The following UNC79 variants were observed in gnomAD, a reference collection of about 807,000 sequenced individuals.
UNC79 encodes the protein unc-79 subunit of NALCN channel complex.
UNC79 carries 37 observed loss-of-function variants against 283.1 expected under a neutral mutation model. That is an observed-to-expected ratio of 0.13 (90% CI 0.10 to 0.17). UNC79 has a LOEUF of 0.17. UNC79 is among the 10% of genes least tolerant of loss of function. The pLI is 1.00. For missense variants in UNC79, 2,272 were observed against 3,211.1 expected (o/e 0.71, Z 7.07); for synonymous variants, 1,107 against 1,200.2 (o/e 0.92, Z 1.61).
intron 1 of UNC79, among the ~76,000 whole-genome samples, chr14:93,359,813 CG>C (rs1434138631): frequency 6.6e-6 from 1 of 152,144 alleles, no homozygotes; most frequent in Non-Finnish European, 1.5e-5. Flanking sequence ...AAGGGGAGGC[CG>C]GGTCTCTTTG....
rs398026224 is a variant in UNC79 at position 93,467,628 on chromosome 14, CTTTTTTTTTTTTTTTT to C, written c.23-28_23-13del. 749 of 762,600 alleles carry C rather than the reference CTTTTTTTTTTTTTTTT, an allele frequency of 9.8e-4. 1 individual carries two copies. Among genetic ancestry groups the C allele is most frequent in the East Asian group, 3.6e-3 (29 of 8,034 alleles). 47.2% of individuals were successfully genotyped at this position (762,600 alleles called of 1,614,324 possible). A position where few individuals can be genotyped will look rare whatever the true frequency, so the allele number is the denominator to read the frequency against. The stretch of plus-strand genomic sequence containing the variant: ...ATTCTTCTCTTTCTTTTTCTTCTTC[CTTTTTTTTTTTTTTTT>C]TTTTTTTTTTTTTTGCTTTTATCTA... On this transcript the variant is annotated intron_variant, in intron 1 of 48. Transcript: ENST00000555664.
At chr14:93,539,799 T>C (rs2061291215) in intron 12 of UNC79, among the ~76,000 whole-genome samples, 1 of 152,236 alleles carries the variant, frequency 6.6e-6, no homozygotes, top group African/African-American at 2.4e-5. Context: ...TCCACAATTC[T>C]TTTTGAAATA....
intron 10 of UNC79, among the ~76,000 whole-genome samples, chr14:93,529,693 G>A (rs1386970369): frequency 6.6e-6 from 1 of 152,160 alleles, no homozygotes; most frequent in African/African-American, 2.4e-5. Context: ...AACACTAGCT[G>A]GGAGAGAAAT....
At chr14:93,377,239 G>T (rs1473110720) in intron 1 of UNC79, among the ~76,000 whole-genome samples, 1 of 151,382 alleles carries the variant, frequency 6.6e-6, no homozygotes, top group Non-Finnish European at 1.5e-5. Context: ...ACAGGCGCCC[G>T]CCACCATGCC....
chr14:93,390,699 A>G (rs61247510), intron 1 of UNC79, among the ~76,000 whole-genome samples: 5,345 of 152,252 alleles, frequency 0.035, 335 homozygotes, highest in African/African-American at 0.12. Flanking sequence ...ATAAAAAGCA[A>G]CCATTTACAG....
intron 38 of UNC79, 48 bp downstream of exon 41, chr14:93,655,455 C>G (rs370126642): frequency 6.4e-5 from 102 of 1,594,198 alleles, no homozygotes; most frequent in Middle Eastern, 3.3e-4. Context: ...TTACCATTTT[C>G]AGACCGTTTA....
At chr14:93,553,491 T>A (rs1567101326) in intron 14 of UNC79, among the ~76,000 whole-genome samples, 1 of 152,034 alleles carries the variant, frequency 6.6e-6, no homozygotes, top group Non-Finnish European at 1.5e-5. Flanking sequence ...TCCATGAGAG[T>A]CCTTTAGCTG....
chr14:93,412,200 T>C (rs2055349671), intron 1 of UNC79, among the ~76,000 whole-genome samples: 1 of 151,970 alleles, frequency 6.6e-6, no homozygotes, highest in South Asian at 2.1e-4. Flanking sequence ...GAGAAAGAAT[T>C]AGTGGGCTTG....
intron 1 of UNC79, among the ~76,000 whole-genome samples, chr14:93,406,312 G>A (rs905246422): frequency 2.0e-5 from 3 of 152,182 alleles, no homozygotes; most frequent in Non-Finnish European, 4.4e-5. Flanking sequence ...GCTGGGCATG[G>A]TGGCTCACGC....
intron 1 of UNC79, among the ~76,000 whole-genome samples, chr14:93,371,435 C>CAA (rs932303633): frequency 1.3e-5 from 2 of 151,726 alleles, no homozygotes; most frequent in African/African-American, 4.8e-5. Flanking sequence ...CAAAACAAAA[C>CAA]AAAAAAACGC....
At chr14:93,412,412 T>C (rs912924454) in intron 1 of UNC79, among the ~76,000 whole-genome samples, 4 of 152,038 alleles carry the variant, frequency 2.6e-5, no homozygotes, top group Non-Finnish European at 4.4e-5. Flanking sequence ...AAGGGAGAGA[T>C]ATCTATATCC....
In UNC79 at chr14:93,339,490, G is replaced by A. The variant is rs889071310; in HGVS notation, c.-351+5967G>A. Among the ~76,000 whole-genome samples the A allele has an allele frequency of 5.9e-5, 9 of 152,220 alleles. No homozygotes were observed. In the East Asian group the frequency reaches 7.7e-4, roughly 13 times the overall value. ...AATTTTTTGTATTTTTAGTAGAGAC[G>A]GGATTTCACCATGTTGGCCAGGCTG... On this transcript the variant is annotated intron_variant, in intron 1 of 49. Coordinates refer to the UNC79 transcript ENST00000256339.
At position 93,494,314 on chromosome 14, in the gene UNC79, G is replaced by A. The variant is rs536532101; in HGVS notation, c.713-2097G>A. On this transcript the variant is annotated intron_variant, in intron 5 of 48. Transcript: ENST00000555664. ...CCATGATCCAATCACCTTCTGCCAGGCCCCACCTCCAACACTGGGGATTAC... is the reference window on the plus strand; with the variant it reads ...CCATGATCCAATCACCTTCTGCCAGACCCCACCTCCAACACTGGGGATTAC... 1.0e-3 allele frequency among the ~76,000 whole-genome samples: 159 copies of A among 152,194 alleles called. 1 individual carries two copies. Among genetic ancestry groups the A allele is most frequent in the African/African-American group, 3.6e-3 (150 of 41,524 alleles).
At chr14:93,497,343 C>T in intron 7 of UNC79, 57 bp downstream of exon 7, 3 of 1,565,462 alleles carry the variant, frequency 1.9e-6, no homozygotes, top group Non-Finnish European at 2.6e-6. Flanking sequence ...GCCACACTGG[C>T]CTCACCTACT....
At position 93,538,646 on chromosome 14, in the gene UNC79, G is replaced by A. The variant is rs78724298; in HGVS notation, c.1352+428G>A. Among the ~76,000 whole-genome samples the A allele has an allele frequency of 3.4e-3, 514 of 152,094 alleles. 10 individuals are homozygous for A. In the South Asian group the frequency reaches 0.053, roughly 16 times the overall value. ...CAGCAGCATTAACCAGTCAGGAGGC[G>A]GGGAAGGCAACAAGGGCGAATTACC... On this transcript the variant is annotated intron_variant, in intron 12 of 48. Transcript: ENST00000555664.
At chr14:93,597,786 G>T (rs560007480) in intron 24 of UNC79, among the ~76,000 whole-genome samples, 55 of 152,040 alleles carry the variant, frequency 3.6e-4, no homozygotes, top group Non-Finnish European at 5.9e-4. Context: ...ATTCATTAGG[G>T]CCCTGCCCTT....
intron 27 of UNC79, among the ~76,000 whole-genome samples, chr14:93,613,420 CTT>C (rs570173176): frequency 7.0e-5 from 10 of 142,822 alleles, no homozygotes; most frequent in Admixed American, 7.0e-5. Context: ...TATTTGGTTT[CTT>C]TTTTTTTTTT....
At chr14:93,618,079 A>G (rs1033617564) in intron 28 of UNC79, 113 bp from the exon 30 acceptor site, 10 of 1,120,488 alleles carry the variant, frequency 8.9e-6, no homozygotes, top group Middle Eastern at 2.8e-4. Context: ...TCTCTCTCTC[A>G]TATATATATT....
intron 1 of UNC79, among the ~76,000 whole-genome samples, chr14:93,460,584 AT>A (rs2056933008): frequency 6.6e-6 from 1 of 151,900 alleles, no homozygotes; most frequent in Non-Finnish European, 1.5e-5. Flanking sequence ...ACACTTAATG[AT>A]GTATATACTC....
Sources: gnomAD v4.1 joint callset for allele counts (sites outside exome capture counted in the v4.1 genomes callset) on GRCh38, gnomAD v4.1.1 for gene constraint, MANE v1.5 for transcripts, NCBI Gene and HGNC (gene_info 2026-07-23, HGNC 2026-07-21) for gene names.